RBFOX1: variants seen among roughly 807,000 people sequenced by gnomAD.
RBFOX1 encodes RNA binding protein fox-1 homolog 1.
In RBFOX1, 8 loss-of-function variants were observed where a neutral mutation model predicts 57.7. That is an observed-to-expected ratio of 0.14 (90% CI 0.08 to 0.25). RBFOX1 has a LOEUF of 0.25. Among genes scored for constraint, RBFOX1 ranks in the 10% least tolerant of loss-of-function variants. The probability of loss-of-function intolerance (pLI) is 1.00; values close to 1 mark genes in which losing one functional copy is unlikely to be tolerated. For missense variants in RBFOX1, 611 were observed against 548.5 expected, an observed-to-expected ratio of 1.11 and a Z score of -1.14; for synonymous variants, 326 against 222.4, an observed-to-expected ratio of 1.47 and a Z score of -4.15.
intron 4 of RBFOX1, among the ~76,000 whole-genome samples, chr16:7,090,796 C>G (rs1365923880): frequency 6.6e-6 from 1 of 152,104 alleles, no homozygotes; most frequent in East Asian, 1.9e-4. Flanking sequence ...CTTGGAAAAG[C>G]AGGGAAGTCA....
intron 2 of RBFOX1, among the ~76,000 whole-genome samples, chr16:6,500,359 C>T (rs766876158): frequency 6.6e-6 from 1 of 151,622 alleles, no homozygotes; most frequent in Non-Finnish European, 1.5e-5. Context: ...TGTGCACATA[C>T]ACACACACAC....
chr16:7,575,051 G>T (rs1223088287), intron 5 of RBFOX1, among the ~76,000 whole-genome samples: 1 of 146,738 alleles, frequency 6.8e-6, no homozygotes, highest in South Asian at 2.1e-4. Flanking sequence ...GATCTTATTT[G>T]GGGGGGGCTG....
chr16:6,639,818 G>T (rs1419886086), intron 2 of RBFOX1, among the ~76,000 whole-genome samples: 1 of 152,140 alleles, frequency 6.6e-6, no homozygotes, highest in Non-Finnish European at 1.5e-5. Context: ...GGCAGAGCTT[G>T]CAGTGAGCTG....
chr16:7,029,693 G>C (rs887952612), intron 3 of RBFOX1, among the ~76,000 whole-genome samples: 1 of 152,092 alleles, frequency 6.6e-6, no homozygotes, highest in African/African-American at 2.4e-5. Context: ...GAAAGAAGCT[G>C]GGAGACTCTA....
At chr16:6,469,331 G>C (rs17140313) in intron 2 of RBFOX1, among the ~76,000 whole-genome samples, 20,681 of 152,138 alleles carry the variant, frequency 0.14, 2,273 homozygotes, top group East Asian at 0.47. Flanking sequence ...GGATTCAAAT[G>C]ATCCCACTGA....
chr16:7,266,528 A>G (rs77168450), intron 4 of RBFOX1, among the ~76,000 whole-genome samples: 5,840 of 152,276 alleles, frequency 0.038, 166 homozygotes, highest in East Asian at 0.13. Flanking sequence ...CAATGCAAGA[A>G]CAACCTATTA....
rs1261030503 is a variant in RBFOX1, at chr16:7,054,212, T to C, written c.27+2114T>C. Among the ~76,000 whole-genome samples the C allele has an allele frequency of 2.5e-3, 44 of 17,510 alleles. 1 individual carries two copies. Among genetic ancestry groups the C allele is most frequent in the African/African-American group, 0.022 (42 of 1,924 alleles). 11.5% of individuals were successfully genotyped at this position (17,510 alleles called of 152,430 possible). On this transcript the variant is annotated intron_variant, in intron 4 of 15. Coordinates refer to ENST00000550418, the MANE Select transcript of RBFOX1 (RefSeq NM_018723.4). ...TCCCTTATTAAGGTGATTTTTTTTT[T>C]CGGGGGGGGGGGGCGGGGAGCTTTT...
At chr16:7,476,039 C>G (rs1056289359) in intron 4 of RBFOX1, among the ~76,000 whole-genome samples, 2 of 151,570 alleles carry the variant, frequency 1.3e-5, no homozygotes, top group African/African-American at 2.4e-5. Flanking sequence ...GATCATGGCT[C>G]ACTGCAGCCT....
At chr16:5,773,769 C>G (rs913396166) in intron 3 of RBFOX1, among the ~76,000 whole-genome samples, 2 of 151,418 alleles carry the variant, frequency 1.3e-5, no homozygotes, top group African/African-American at 4.9e-5. Flanking sequence ...GTGATCTCGG[C>G]TCACTGCAAC....
At chr16:6,953,797 C>G (rs2081240880) in intron 3 of RBFOX1, among the ~76,000 whole-genome samples, 1 of 152,094 alleles carries the variant, frequency 6.6e-6, no homozygotes, top group Non-Finnish European at 1.5e-5. Flanking sequence ...AGATTTCAAA[C>G]TGGTTTGCAA....
intron 2 of RBFOX1, among the ~76,000 whole-genome samples, chr16:6,362,868 G>A (rs2088850167): frequency 6.6e-6 from 1 of 152,220 alleles, no homozygotes; most frequent in Admixed American, 6.5e-5. Context: ...TGTAAACAGA[G>A]GATGGAGACT....
At chr16:5,392,342 C>T (rs1458314697) in intron 1 of RBFOX1, among the ~76,000 whole-genome samples, 1 of 151,998 alleles carries the variant, frequency 6.6e-6, no homozygotes, top group Non-Finnish European at 1.5e-5. Context: ...AGGACTCAGC[C>T]TGGTGACTTC....
chr16:6,943,744 A>G (rs1011940083), intron 3 of RBFOX1, among the ~76,000 whole-genome samples: 3 of 151,908 alleles, frequency 2.0e-5, no homozygotes, highest in African/African-American at 7.3e-5. Flanking sequence ...GCCTGTAACA[A>G]TAGCTGAGTC....
chr16:7,465,136 C>T (rs1292685284), intron 4 of RBFOX1, among the ~76,000 whole-genome samples: 3 of 152,178 alleles, frequency 2.0e-5, no homozygotes, highest in Non-Finnish European at 4.4e-5. Flanking sequence ...ACGTCAGGGG[C>T]TTTGCATATT....
intron 1 of RBFOX1, among the ~76,000 whole-genome samples, chr16:6,162,693 C>G (rs949796180): frequency 6.6e-6 from 1 of 152,080 alleles, no homozygotes; most frequent in African/African-American, 2.4e-5. Context: ...TGTTGGTAAA[C>G]CACACATGGA....
chr16:5,680,771 C>G (rs1281249233), intron 3 of RBFOX1, among the ~76,000 whole-genome samples: 2 of 152,180 alleles, frequency 1.3e-5, no homozygotes, highest in African/African-American at 2.4e-5. Flanking sequence ...AGATGGTTTA[C>G]TATTCATTCT....
intron 3 of RBFOX1, among the ~76,000 whole-genome samples, chr16:5,607,401 G>C (rs1051812977): frequency 2.0e-5 from 3 of 152,142 alleles, no homozygotes; most frequent in Non-Finnish European, 4.4e-5. Flanking sequence ...GGCACAGATA[G>C]CGCAGGGTCT....
chr16:5,455,800 G>A (rs942439684), intron 1 of RBFOX1, among the ~76,000 whole-genome samples: 2 of 152,146 alleles, frequency 1.3e-5, no homozygotes, highest in African/African-American at 4.8e-5. Flanking sequence ...GGTGAAGGGT[G>A]CTTGGCTAGA....
chr16:7,154,530 A>C (rs1204763023), intron 4 of RBFOX1, among the ~76,000 whole-genome samples: 3 of 152,204 alleles, frequency 2.0e-5, no homozygotes, highest in East Asian at 1.9e-4. Flanking sequence ...CCATTTTTGC[A>C]GGCCTTGAGT....
Sources: gnomAD v4.1 joint callset for allele counts (sites outside exome capture counted in the v4.1 genomes callset) on GRCh38, gnomAD v4.1.1 for gene constraint, MANE v1.5 for transcripts, NCBI Gene and HGNC (gene_info 2026-07-23, HGNC 2026-07-21) for gene names.